RPS6KC1: variants seen among roughly 807,000 people sequenced by gnomAD.
RPS6KC1 encodes inactive ribosomal protein S6 kinase delta-1.
In RPS6KC1, 54 loss-of-function variants were observed where a neutral mutation model predicts 103.8. The observed-to-expected ratio is 0.52, with a 90% CI of 0.42 to 0.65. The LOEUF (loss-of-function observed/expected upper bound fraction) is 0.65. Among genes scored for constraint, RPS6KC1 ranks in the 30% least tolerant of loss-of-function variants. The pLI is 0.00. For synonymous variants in RPS6KC1, 439 were observed against 438.7 expected (o/e 1.00, Z -0.01); for missense variants, 1,151 against 1,253.8 (o/e 0.92, Z 1.24).
At chr1:213,516,175 A>G in the RPS6KC1 span, among the ~76,000 whole-genome samples, 13 of 152,194 alleles carry the variant, frequency 8.5e-5, no homozygotes, top group Non-Finnish European at 1.9e-4. Flanking sequence ...TCATCTGCAA[A>G]CAGGGACAAT....
At chr1:213,136,542 CT>C (rs1175907880) in intron 6 of RPS6KC1, among the ~76,000 whole-genome samples, 3 of 151,956 alleles carry the variant, frequency 2.0e-5, no homozygotes, top group South Asian at 4.1e-4. Context: ...CCTTTCTCCC[CT>C]GGCCTTAAAA....
the RPS6KC1 span, among the ~76,000 whole-genome samples, chr1:213,497,235 A>G: frequency 6.6e-6 from 1 of 152,248 alleles, no homozygotes; most frequent in Non-Finnish European, 1.5e-5. Flanking sequence ...ACTGTATGCT[A>G]TAGCATATGT....
At chr1:213,246,763 A>G (rs2094460828) in intron 12 of RPS6KC1, among the ~76,000 whole-genome samples, 1 of 151,372 alleles carries the variant, frequency 6.6e-6, no homozygotes, top group Non-Finnish European at 1.5e-5. Flanking sequence ...ATAAAATACA[A>G]AAAAAAAACT....
the RPS6KC1 span, among the ~76,000 whole-genome samples, chr1:213,788,990 T>C: frequency 2.0e-5 from 3 of 151,984 alleles, no homozygotes; most frequent in African/African-American, 7.3e-5. Flanking sequence ...GTAGCAGGGG[T>C]GGACAGCACA....
the RPS6KC1 span, among the ~76,000 whole-genome samples, chr1:213,562,236 G>A: frequency 1.1e-4 from 16 of 151,858 alleles, no homozygotes; most frequent in Non-Finnish European, 1.9e-4. Context: ...AGGGCATTTG[G>A]TCTGTTTGAT....
At chr1:213,618,469 T>C in the RPS6KC1 span, among the ~76,000 whole-genome samples, 1 of 152,238 alleles carries the variant, frequency 6.6e-6, no homozygotes, top group African/African-American at 2.4e-5. Flanking sequence ...TAGGAAGTTA[T>C]ATATTCCTAT....
the RPS6KC1 span, among the ~76,000 whole-genome samples, chr1:213,846,859 T>A: frequency 6.7e-6 from 1 of 149,682 alleles, no homozygotes; most frequent in South Asian, 2.1e-4. Flanking sequence ...ATTTATCCAA[T>A]TTATAAGCTC....
At chr1:213,152,461 G>T (rs1180995444) in intron 6 of RPS6KC1, among the ~76,000 whole-genome samples, 1 of 151,506 alleles carries the variant, frequency 6.6e-6, no homozygotes, top group Non-Finnish European at 1.5e-5. Context: ...CTGCCGGGCG[G>T]AGGGGCTCCT....
At chr1:213,640,998 T>C in the RPS6KC1 span, among the ~76,000 whole-genome samples, 1 of 152,044 alleles carries the variant, frequency 6.6e-6, no homozygotes, top group Non-Finnish European at 1.5e-5. Flanking sequence ...TGCTTCATTA[T>C]TTTGGAGCTC....
At chr1:213,593,092 G>C in the RPS6KC1 span, among the ~76,000 whole-genome samples, 1 of 152,142 alleles carries the variant, frequency 6.6e-6, no homozygotes, top group Non-Finnish European at 1.5e-5. Context: ...CTGGTGTTGA[G>C]GTGGGCAGGG....
intron 1 of RPS6KC1, among the ~76,000 whole-genome samples, chr1:213,052,800 C>T (rs2077058102): frequency 6.6e-6 from 1 of 152,108 alleles, no homozygotes; most frequent in African/African-American, 2.4e-5. Flanking sequence ...CCTCGGCCTC[C>T]CAAAGTGCTG....
chr1:213,514,611 T>C, the RPS6KC1 span, among the ~76,000 whole-genome samples: 2 of 152,210 alleles, frequency 1.3e-5, no homozygotes, highest in South Asian at 4.1e-4. Flanking sequence ...TGCCACATTT[T>C]CTTAATCCAG....
At chr1:213,854,536 CT>C in the RPS6KC1 span, among the ~76,000 whole-genome samples, 71 of 102,148 alleles carry the variant, frequency 7.0e-4, 2 homozygotes, top group African/African-American at 3.2e-3. Context: ...TTCTTTCTTT[CT>C]TTCTTTCTTT....
the RPS6KC1 span, among the ~76,000 whole-genome samples, chr1:213,736,882 T>A: frequency 1.3e-5 from 2 of 152,136 alleles, no homozygotes; most frequent in South Asian, 4.1e-4. Flanking sequence ...AGGCCAATAT[T>A]AGGGGTGAAA....
chr1:213,351,738 TGGAACTCTAAAGGTGGAA>T, the RPS6KC1 span, among the ~76,000 whole-genome samples: 1 of 152,174 alleles, frequency 6.6e-6, no homozygotes, highest in East Asian at 1.9e-4. Context: ...AGGTGACTTC[TGGAACTCTAAAGGTGGAA>T]GCGGAGATTG....
the RPS6KC1 span, among the ~76,000 whole-genome samples, chr1:213,577,354 C>T: frequency 6.6e-6 from 1 of 152,134 alleles, no homozygotes; most frequent in African/African-American, 2.4e-5. Context: ...TATGAATTAC[C>T]CAGTCTCAAG....
the RPS6KC1 span, among the ~76,000 whole-genome samples, chr1:213,279,835 G>C: frequency 4.4e-3 from 672 of 152,248 alleles, 3 homozygotes; most frequent in African/African-American, 0.015. Context: ...GGTCATCAAC[G>C]TTAGGATTAC....
the RPS6KC1 span, among the ~76,000 whole-genome samples, chr1:213,636,865 C>G: frequency 3.3e-5 from 5 of 152,134 alleles, no homozygotes; most frequent in Non-Finnish European, 7.3e-5. Flanking sequence ...GCAATCTACT[C>G]ATCTGACAAA....
chr1:213,713,488 C>A, the RPS6KC1 span, among the ~76,000 whole-genome samples: 6 of 152,220 alleles, frequency 3.9e-5, no homozygotes, highest in Non-Finnish European at 7.3e-5. Context: ...TGCTTATCAA[C>A]ATTAGTAAAT....
Sources: gnomAD v4.1 joint callset for allele counts (sites outside exome capture counted in the v4.1 genomes callset) on GRCh38, gnomAD v4.1.1 for gene constraint, MANE v1.5 for transcripts, NCBI Gene and HGNC (gene_info 2026-07-23, HGNC 2026-07-21) for gene names.